The following NKAIN2 variants were observed in gnomAD, a reference collection of about 807,000 sequenced individuals.
NKAIN2 encodes the protein sodium/potassium transporting ATPase interacting 2, also known as sodium/potassium-transporting ATPase subunit beta-1-interacting protein 2.
Under a neutral mutation model 32.6 loss-of-function variants are expected in NKAIN2, and 14 were observed. That is an observed-to-expected ratio of 0.43 (90% CI 0.28 to 0.67). The LOEUF is 0.67. Among genes scored for constraint, NKAIN2 ranks in the 30% least tolerant of loss-of-function variants. The pLI is 0.17. For synonymous variants in NKAIN2, 80 were observed against 87.2 expected (o/e 0.92, Z 0.46); for missense variants, 198 against 258.3 (o/e 0.77, Z 1.60).
intron 3 of NKAIN2, among the ~76,000 whole-genome samples, chr6:124,620,313 G>A (rs1472657070): frequency 1.3e-5 from 2 of 151,930 alleles, no homozygotes; most frequent in African/African-American, 4.8e-5. Flanking sequence ...TTTTATTTTG[G>A]TTTACAAACC....
At chr6:124,148,566 G>A (rs1322175266) in intron 1 of NKAIN2, among the ~76,000 whole-genome samples, 1 of 151,990 alleles carries the variant, frequency 6.6e-6, no homozygotes, top group Non-Finnish European at 1.5e-5. Context: ...CTCTAGTCCT[G>A]CAGATCAATA....
intron 1 of NKAIN2, among the ~76,000 whole-genome samples, chr6:124,133,290 A>G (rs1225894789): frequency 1.3e-5 from 2 of 152,174 alleles, no homozygotes; most frequent in East Asian, 3.9e-4. Context: ...GAACAGTCCT[A>G]TAGATGAAAA....
rs545518441 is a variant in NKAIN2 at position 124,629,221 on chromosome 6, CAGGG to C, written c.274-28964_274-28961del. 7.2e-5 allele frequency among the ~76,000 whole-genome samples: 11 copies of C among 152,170 alleles called. No individual in the cohort carries two copies. The East Asian group carries it at 1.9e-3, about 27-fold the overall frequency. Reference sequence around the variant, plus strand: ...TCTATTGAGTCTAAGAATTAAACCCCAGGGGTATAATTATCCTGCAGAGGTGAGG... The same window carrying C: ...TCTATTGAGTCTAAGAATTAAACCCCGTATAATTATCCTGCAGAGGTGAGG... On this transcript the variant is annotated intron_variant, in intron 3 of 6. Transcript: ENST00000368417.
At chr6:124,278,901 T>C (rs1442642188) in intron 1 of NKAIN2, among the ~76,000 whole-genome samples, 1 of 151,816 alleles carries the variant, frequency 6.6e-6, no homozygotes, top group African/African-American at 2.4e-5. Flanking sequence ...ATTAAAGATT[T>C]ATTAAAATGC....
At chr6:124,051,439 T>C (rs1782392954) in intron 1 of NKAIN2, among the ~76,000 whole-genome samples, 1 of 152,030 alleles carries the variant, frequency 6.6e-6, no homozygotes, top group South Asian at 2.1e-4. Flanking sequence ...TTTTTTTAAA[T>C]TATACTTTAA....
rs75961876 is a variant in NKAIN2, at chr6:124,399,291, G to T, written c.273+43944G>T. On this transcript the variant is annotated intron_variant, in intron 3 of 6. Coordinates refer to ENST00000368417, the MANE Select transcript of NKAIN2 (RefSeq NM_001040214.3). The stretch of plus-strand genomic sequence containing the variant: ...TTTTCAAGTTTATGATACTCATGAG[G>T]CTTAGCAGATCTCTACTTTGGGATG... Among the ~76,000 whole-genome samples, 401 of 152,190 alleles carry T rather than the reference G, an allele frequency of 2.6e-3. 2 individuals are homozygous for T. Among genetic ancestry groups the T allele is most frequent in the African/African-American group, 9.3e-3 (388 of 41,528 alleles).
intron 1 of NKAIN2, among the ~76,000 whole-genome samples, chr6:124,148,964 A>G: frequency 6.6e-6 from 1 of 152,276 alleles, no homozygotes; most frequent in East Asian, 1.9e-4. Context: ...ACCCTCACCA[A>G]CACTTGTTAT....
rs564787394 is a variant in NKAIN2 at position 124,601,680 on chromosome 6, G to A, written c.274-56506G>A. Among the ~76,000 whole-genome samples the A allele has an allele frequency of 3.3e-5, 5 of 152,144 alleles. No individual in the cohort carries two copies. In the East Asian group the frequency reaches 9.7e-4, roughly 29 times the overall value. ...GGCAAGACATGAAACCAAGAGACTA[G>A]TAAGAAGTCTGCTGAACATATCCAG... On this transcript the variant is annotated intron_variant, in intron 3 of 6. Coordinates refer to ENST00000368417, the MANE Select transcript of NKAIN2 (RefSeq NM_001040214.3).
At chr6:124,628,333 T>C (rs1203809711) in intron 3 of NKAIN2, among the ~76,000 whole-genome samples, 1 of 152,200 alleles carries the variant, frequency 6.6e-6, no homozygotes, top group Non-Finnish European at 1.5e-5. Flanking sequence ...ATTACTTATG[T>C]TGTTTGACTA....
chr6:124,663,122 A>G (rs898590447), intron 4 of NKAIN2, among the ~76,000 whole-genome samples: 1 of 152,208 alleles, frequency 6.6e-6, no homozygotes, highest in Non-Finnish European at 1.5e-5. Flanking sequence ...TAATGATTTC[A>G]TCATTTAAAA....
chr6:123,804,329 T>C, intron 1 of NKAIN2, 75 bp downstream of exon 1: 2 of 1,216,636 alleles, frequency 1.6e-6, no homozygotes, highest in South Asian at 2.4e-5. Context: ...GCAAAGGGTC[T>C]GCCATTGACT....
At chr6:124,590,714 C>A (rs148703768) in intron 3 of NKAIN2, among the ~76,000 whole-genome samples, 26 of 152,280 alleles carry the variant, frequency 1.7e-4, no homozygotes, top group Middle Eastern at 3.4e-3. Context: ...GGCAAGAGTT[C>A]TTCATAACAG....
At chr6:124,811,706 A>C (rs1037572309) in intron 5 of NKAIN2, among the ~76,000 whole-genome samples, 10 of 152,320 alleles carry the variant, frequency 6.6e-5, no homozygotes, top group Middle Eastern at 6.8e-3. Context: ...AAGAAAATGC[A>C]CTTGCAAAGA....
At chr6:123,901,931 G>A (rs1446239843) in intron 1 of NKAIN2, among the ~76,000 whole-genome samples, 2 of 151,906 alleles carry the variant, frequency 1.3e-5, no homozygotes, top group African/African-American at 2.4e-5. Context: ...AAAAAATGAG[G>A]CTGATACTTA....
chr6:123,998,297 A>C (rs965301432), intron 1 of NKAIN2, among the ~76,000 whole-genome samples: 1 of 152,190 alleles, frequency 6.6e-6, no homozygotes, highest in Non-Finnish European at 1.5e-5. Flanking sequence ...TATATCCTCC[A>C]TTCAAAACTG....
At chr6:124,348,608 G>A (rs1200866524) in intron 2 of NKAIN2, among the ~76,000 whole-genome samples, 5 of 152,208 alleles carry the variant, frequency 3.3e-5, no homozygotes, top group African/African-American at 1.2e-4. Context: ...AGCAATCAGC[G>A]AGACTGAGCC....
intron 1 of NKAIN2, among the ~76,000 whole-genome samples, chr6:124,185,659 C>T (rs922111168): frequency 6.6e-6 from 1 of 152,116 alleles, no homozygotes; most frequent in Admixed American, 6.5e-5. Context: ...CATGAAATAG[C>T]ATTTTGTGTG....
intron 1 of NKAIN2, among the ~76,000 whole-genome samples, chr6:124,043,085 G>T (rs1408715669): frequency 6.6e-6 from 1 of 151,944 alleles, no homozygotes; most frequent in African/African-American, 2.4e-5. Flanking sequence ...TCAGGCTGGG[G>T]GCAGGTTCAC....
chr6:124,382,441 T>C (rs1404690421), intron 3 of NKAIN2, among the ~76,000 whole-genome samples: 3 of 152,030 alleles, frequency 2.0e-5, no homozygotes, highest in Non-Finnish European at 4.4e-5. Context: ...TCTGGTAGAG[T>C]TCTGTGTAAT....
Sources: allele counts gnomAD v4.1 joint callset (sites outside exome capture counted in the v4.1 genomes callset), GRCh38; gene constraint gnomAD v4.1.1; transcripts MANE v1.5; gene names NCBI Gene and HGNC (gene_info 2026-07-23, HGNC 2026-07-21).